The following LRCH1 variants were observed in gnomAD, a reference collection of about 807,000 sequenced individuals.
The protein encoded by LRCH1 is leucine rich repeats and calponin homology domain containing 1.
Under a neutral mutation model 94.9 loss-of-function variants are expected in LRCH1, and 23 were observed. That is an observed-to-expected ratio of 0.24 (90% CI 0.17 to 0.34). LRCH1 has a LOEUF of 0.34. LRCH1 is among the 10% of genes least tolerant of loss of function. The pLI is 1.00. For missense variants in LRCH1, 790 were observed against 945.9 expected (o/e 0.84, Z 2.16); for synonymous variants, 364 against 354.9 (o/e 1.03, Z -0.29).
chr13:46,553,241 C>A lies in LRCH1; in HGVS notation c.-156C>A. 5.3e-6 allele frequency: 3 copies of A among 571,090 alleles called. No individual in the cohort carries two copies. The highest frequency in any genetic ancestry group is 9.2e-6 in the Non-Finnish European group (3 of 325,944). 35.4% of individuals were successfully genotyped at this position (571,090 alleles called of 1,614,324 possible). The stretch of plus-strand genomic sequence containing the variant: ...CCACGGCCGCCTCCCCGCCCGCCCC[C>A]CATTCTACGCGCCTGCCCACACCCT... On this transcript the variant is annotated 5_prime_UTR_variant, in exon 1 of 20. Coordinates refer to ENST00000389797, the MANE Select transcript of LRCH1 (RefSeq NM_001164211.2).
chr13:46,662,819 A>C (rs1236998706), intron 2 of LRCH1, among the ~76,000 whole-genome samples: 1 of 152,266 alleles, frequency 6.6e-6, no homozygotes, highest in Non-Finnish European at 1.5e-5. Context: ...AGGTATGCAT[A>C]GGAAAATGCA....
chr13:46,649,003 T>A (rs1029331513), intron 1 of LRCH1, among the ~76,000 whole-genome samples: 1 of 152,202 alleles, frequency 6.6e-6, no homozygotes, highest in Admixed American at 6.5e-5. Flanking sequence ...GACGATTTTA[T>A]GTTCTTTGCA....
chr13:46,559,865 T>C (rs1306571953), intron 1 of LRCH1, among the ~76,000 whole-genome samples: 1 of 152,208 alleles, frequency 6.6e-6, no homozygotes, highest in African/African-American at 2.4e-5. Flanking sequence ...CTTGTTTAAA[T>C]TATTGACTGA....
At chr13:46,623,720 T>C (rs2050910029) in intron 1 of LRCH1, among the ~76,000 whole-genome samples, 1 of 151,248 alleles carries the variant, frequency 6.6e-6, no homozygotes, top group South Asian at 2.1e-4. Flanking sequence ...TTTTCTTTTT[T>C]TTTTATTATA....
chr13:46,728,777 C>A, intron 17 of LRCH1, 70 bp from the exon 18 acceptor site: 2 of 1,399,626 alleles, frequency 1.4e-6, no homozygotes, highest in South Asian at 1.6e-5. Flanking sequence ...CATAAATACC[C>A]ATAAATGTAT....
chr13:46,568,394 T>C (rs12323003), intron 1 of LRCH1, among the ~76,000 whole-genome samples: 6,319 of 152,234 alleles, frequency 0.042, 435 homozygotes, highest in African/African-American at 0.14. Context: ...TGGATTCAAG[T>C]GAAGTGACTT....
intron 1 of LRCH1, among the ~76,000 whole-genome samples, chr13:46,627,319 G>C (rs2050961673): frequency 6.6e-6 from 1 of 152,176 alleles, no homozygotes; most frequent in South Asian, 2.1e-4. Context: ...ATTTGTAAAT[G>C]TAAAAGTGAT....
At chr13:46,630,571 C>G (rs998430697) in intron 1 of LRCH1, among the ~76,000 whole-genome samples, 3 of 152,158 alleles carry the variant, frequency 2.0e-5, no homozygotes, top group African/African-American at 7.2e-5. Flanking sequence ...TTGATAAGAG[C>G]TCTACCAAGC....
At chr13:46,572,407 T>C (rs2050250579) in intron 1 of LRCH1, among the ~76,000 whole-genome samples, 1 of 152,232 alleles carries the variant, frequency 6.6e-6, no homozygotes. Flanking sequence ...CAGCCTATTA[T>C]ACATATGGCA....
chr13:46,663,538 A>G (rs1448786795), intron 2 of LRCH1, among the ~76,000 whole-genome samples: 1 of 152,370 alleles, frequency 6.6e-6, no homozygotes, highest in Admixed American at 6.5e-5. Context: ...CTGTGTGCAT[A>G]TAAAGACAAC....
At chr13:46,564,014 C>CA (rs367750362) in intron 1 of LRCH1, among the ~76,000 whole-genome samples, 71 of 149,548 alleles carry the variant, frequency 4.7e-4, no homozygotes, top group Middle Eastern at 3.4e-3. Context: ...TCCCAAAAAA[C>CA]AAAAAAAAAT....
chr13:46,699,583 T>C (rs1287327085), intron 10 of LRCH1, among the ~76,000 whole-genome samples, 180 bp downstream of exon 10: 2 of 152,202 alleles, frequency 1.3e-5, no homozygotes, highest in Non-Finnish European at 2.9e-5. Flanking sequence ...GTCGTGGTAT[T>C]GGGCAGTACA....
At chr13:46,632,591 C>A (rs2051032348) in intron 1 of LRCH1, among the ~76,000 whole-genome samples, 1 of 152,166 alleles carries the variant, frequency 6.6e-6, no homozygotes, top group Non-Finnish European at 1.5e-5. Flanking sequence ...ATAAAACCTA[C>A]TTACTCTTCA....
At chr13:46,689,260 A>C in intron 7 of LRCH1, 64 bp downstream of exon 7, 1 of 1,264,048 alleles carries the variant, frequency 7.9e-7, no homozygotes, top group Non-Finnish European at 1.1e-6. Context: ...GTGTTCATTG[A>C]ACTCCTTTCT....
At position 46,624,626 on chromosome 13, in the gene LRCH1, C is replaced by T. The variant is rs529876705; in HGVS notation, c.308-25575C>T. 1.4e-4 allele frequency among the ~76,000 whole-genome samples: 21 copies of T among 152,166 alleles called. 1 individual carries two copies. The South Asian group carries it at 4.4e-3, about 32-fold the overall frequency. On this transcript the variant is annotated intron_variant, in intron 1 of 19. Coordinates refer to ENST00000389797, the MANE Select transcript of LRCH1 (RefSeq NM_001164211.2). ...CTATCAGTGAAGCATGGAGGGTTTT[C>T]GTTATGAAAATGTCCTGAGATGGGG... is the stretch of plus-strand genomic sequence containing the variant.
chr13:46,680,512 T>G (rs757544764), intron 3 of LRCH1, among the ~76,000 whole-genome samples: 4 of 152,136 alleles, frequency 2.6e-5, no homozygotes, highest in Non-Finnish European at 5.9e-5. Context: ...GTGAAAGATT[T>G]CACGAAAGAG....
chr13:46,723,982 T>A (rs917520273), intron 17 of LRCH1, among the ~76,000 whole-genome samples: 1 of 152,162 alleles, frequency 6.6e-6, no homozygotes, highest in African/African-American at 2.4e-5. Flanking sequence ...TTTCATTTTT[T>A]ATTTTTATTT....
At chr13:46,605,969 G>GA (rs1160972858) in intron 1 of LRCH1, among the ~76,000 whole-genome samples, 2 of 152,194 alleles carry the variant, frequency 1.3e-5, no homozygotes, top group Non-Finnish European at 2.9e-5. Context: ...GAGACTCAGA[G>GA]ACATGAAGTG....
At chr13:46,562,478 A>G (rs1451655495) in intron 1 of LRCH1, among the ~76,000 whole-genome samples, 1 of 152,024 alleles carries the variant, frequency 6.6e-6, no homozygotes, top group Admixed American at 6.6e-5. Flanking sequence ...CCTGAGCCCA[A>G]ATTTCCTCTT....
Sources: gnomAD v4.1 joint callset for allele counts (sites outside exome capture counted in the v4.1 genomes callset) on GRCh38, gnomAD v4.1.1 for gene constraint, MANE v1.5 for transcripts, NCBI Gene and HGNC (gene_info 2026-07-23, HGNC 2026-07-21) for gene names.